Variants in PKD1L3 observed in about 807,000 individuals in gnomAD.
PKD1L3 encodes polycystin 1 like 3, transient receptor potential channel interacting, also known as polycystin-1-like protein 3.
Under a neutral mutation model 184.1 loss-of-function variants are expected in PKD1L3, and 239 were observed. The observed-to-expected ratio is 1.30, with a 90% CI of 1.17 to 1.45. The LOEUF (loss-of-function observed/expected upper bound fraction) is 1.45, where lower values mean the gene tolerates loss of function less well. Ranked by LOEUF, PKD1L3 falls within the 40% of genes most tolerant of loss-of-function variation. The pLI is 0.00. For synonymous variants in PKD1L3, 996 were observed against 778.8 expected, an observed-to-expected ratio of 1.28 and a Z score of -4.64; for missense variants, 2,660 against 2,067.2, an observed-to-expected ratio of 1.29 and a Z score of -5.56.
At chr16:71,979,952 T>C (rs1232435609) in intron 8 of PKD1L3, 40 bp from the exon 9 acceptor site, 1 of 1,549,488 alleles carries the variant, frequency 6.5e-7, no homozygotes, top group Non-Finnish European at 8.7e-7. Context: ...TTTTTGTGTG[T>C]CCTCTGAAAG....
chr16:71,968,825 A>C (rs1412953349), intron 13 of PKD1L3, among the ~76,000 whole-genome samples: 1 of 152,042 alleles, frequency 6.6e-6, no homozygotes, highest in Non-Finnish European at 1.5e-5. Context: ...TGAACTCTTG[A>C]CCTCAAGCGA....
chr16:71,973,445 A>C lies in PKD1L3; in HGVS notation c.1832T>G (p.Val611Gly). The change falls in exon 12 of 30, where the codon GTG becomes GGG. Residue 611 changes from valine to glycine, a missense_variant. Coordinates refer to ENST00000620267, the MANE Select transcript of PKD1L3 (RefSeq NM_181536.2). Reference sequence around the variant, plus strand: ...AGCACCCTCCTGCCTCTCACTCAGCACAGCTGTTATATAGTAGGTGCCAAT... The same window carrying C: ...AGCACCCTCCTGCCTCTCACTCAGCCCAGCTGTTATATAGTAGGTGCCAAT... ...HGIGTYYITA[V>G]LSERQEGAQQ... 1 of 1,551,822 alleles carries C rather than the reference A, an allele frequency of 6.4e-7. No homozygotes were observed. The highest frequency in any genetic ancestry group is 8.7e-7 in the Non-Finnish European group (1 of 1,147,026).
At chr16:71,988,712 C>T (rs1246537816) in intron 4 of PKD1L3, among the ~76,000 whole-genome samples, 1 of 152,170 alleles carries the variant, frequency 6.6e-6, no homozygotes, top group Non-Finnish European at 1.5e-5. Flanking sequence ...ATTAAACTAA[C>T]ATAAGATAAA....
chr16:71,967,542 G>A (rs1445679180), intron 14 of PKD1L3, among the ~76,000 whole-genome samples: 2 of 152,102 alleles, frequency 1.3e-5, no homozygotes, highest in African/African-American at 4.8e-5. Context: ...TTGGCTTAGT[G>A]CAACCTCTGC....
Position 71,949,936 on chromosome 16 carries a change from T to C in PKD1L3, c.3465A>G (p.Ser1155=). 1 of 1,551,680 alleles carries C rather than the reference T, an allele frequency of 6.4e-7. No individual in the cohort carries two copies. The change falls in exon 21 of 30, where the codon TCA becomes TCG. Residue 1155 remains serine (S), a synonymous_variant. Transcript: ENST00000620267. ...TGAAACCTAAGAGGAGCCAGCAGAC[T>C]GAAGTCAACCATTTGGACAGGCCAT... ...ISNGLSKWLT[S]VCWLLLGFTS...
chr16:71,958,908 G>A (rs949739956), intron 16 of PKD1L3, among the ~76,000 whole-genome samples: 1 of 150,090 alleles, frequency 6.7e-6, no homozygotes, highest in African/African-American at 2.4e-5. Flanking sequence ...GCAACAGAGT[G>A]AAACGCCGTC....
chr16:71,958,832 A>G (rs926180324), intron 16 of PKD1L3, among the ~76,000 whole-genome samples: 6 of 146,714 alleles, frequency 4.1e-5, no homozygotes, highest in Non-Finnish European at 8.9e-5. Flanking sequence ...CACACCTGTA[A>G]TCTTAGCACT....
chr16:71,984,989 T>C (rs1277263698), intron 5 of PKD1L3, among the ~76,000 whole-genome samples: 2 of 152,170 alleles, frequency 1.3e-5, no homozygotes, highest in Non-Finnish European at 2.9e-5. Flanking sequence ...AAGTGGCTAC[T>C]GCACTTGAAC....
At chr16:71,936,896 G>T (rs973517230) in intron 25 of PKD1L3, among the ~76,000 whole-genome samples, 1 of 152,104 alleles carries the variant, frequency 6.6e-6, no homozygotes. Flanking sequence ...CTGAAAAATT[G>T]AAAGAGCCAA....
chr16:71,965,392 T>C (rs1338798618), intron 15 of PKD1L3, among the ~76,000 whole-genome samples: 1 of 152,126 alleles, frequency 6.6e-6, no homozygotes, highest in Non-Finnish European at 1.5e-5. Context: ...CTTGGGTAAA[T>C]ACCTATGAGT....
At chr16:71,967,077 C>A in intron 15 of PKD1L3, 60 bp downstream of exon 15, 1 of 1,470,134 alleles carries the variant, frequency 6.8e-7, no homozygotes, top group Non-Finnish European at 9.2e-7. Context: ...TGGTGATCTT[C>A]TTTCTTCTCT....
chr16:71,983,914 C>G (rs181750052), intron 6 of PKD1L3, 122 bp downstream of exon 6: 2 of 1,321,650 alleles, frequency 1.5e-6, no homozygotes, highest in African/African-American at 3.0e-5. Context: ...CCGCCCGCCT[C>G]GGCCTTCTAA....
At chr16:71,930,420 G>C in intron 28 of PKD1L3, 1 of 345,866 alleles carries the variant, frequency 2.9e-6, no homozygotes, top group Non-Finnish European at 5.2e-6. Context: ...CAAGAAAACA[G>C]GTGAGTTGCA....
Position 71,993,198 on chromosome 16 carries a change from AGAG to A in PKD1L3, c.535+15_535+17del. ...GATTCCACGGATTTTTAAGGTTACT[AGAG>A]GAGTAACGCATTACCTGGGGGCATT... On this transcript the variant is annotated intron_variant, in intron 3 of 29. Transcript: ENST00000620267. The A allele has an allele frequency of 6.8e-7, 1 of 1,473,618 alleles. No homozygotes were observed. The highest frequency in any genetic ancestry group is 1.7e-4 in the Middle Eastern group (1 of 5,784). 91.3% of individuals were successfully genotyped at this position (1,473,618 alleles called of 1,614,324 possible).
intron 16 of PKD1L3, among the ~76,000 whole-genome samples, chr16:71,959,614 G>A (rs2039193527): frequency 1.3e-5 from 2 of 152,040 alleles, no homozygotes; most frequent in South Asian, 2.1e-4. Flanking sequence ...ACTCAAGAAC[G>A]GTTAAAGCAT....
Position 71,969,998 on chromosome 16 carries a change from C to T in PKD1L3, c.2061G>A (p.Thr687=), listed in dbSNP as rs1448308233. 23 of 1,551,528 alleles carry T rather than the reference C, an allele frequency of 1.5e-5. No homozygotes were observed. Among genetic ancestry groups the T allele is most frequent in the Admixed American group, 1.2e-4 (6 of 50,984 alleles). Reference sequence around the variant, plus strand: ...TGGTCACGCGAAGGAACAGTTTGATCGTGTCTTCAACATTCACGGTCCTGG... The same window carrying T: ...TGGTCACGCGAAGGAACAGTTTGATTGTGTCTTCAACATTCACGGTCCTGG... The part of the protein sequence containing the change: ...VVPRTVNVED[T]IKLFLRVTNN... The change falls in exon 13 of 30, where the codon ACG becomes ACA. Residue 687 remains threonine, a synonymous_variant. Coordinates refer to ENST00000620267, the MANE Select transcript of PKD1L3 (RefSeq NM_181536.2).
chr16:71,954,406 C>T, intron 16 of PKD1L3, 105 bp from the exon 17 acceptor site: 1 of 811,754 alleles, frequency 1.2e-6, no homozygotes. Flanking sequence ...AACTCCCAAG[C>T]CTCTATTCAA....
rs374545204 is a variant in PKD1L3, at chr16:71,942,758, C to T, written c.4126G>A (p.Glu1376Lys). 4.8e-5 allele frequency: 74 copies of T among 1,551,694 alleles called. No individual in the cohort carries two copies. In the African/African-American group the frequency reaches 8.9e-4, roughly 19 times the overall value. Residue 1376 changes from glutamate to lysine, a missense_variant, in exon 24 of 30, where the codon GAG (glutamate) becomes AAG (lysine). Coordinates refer to ENST00000620267, the MANE Select transcript of PKD1L3 (RefSeq NM_181536.2). ...IFQIPRTKTYEKVDEGQLAFC... is the reference protein window; with the variant it reads ...IFQIPRTKTYKKVDEGQLAFC... ...GCCAGCTGACCTTCGTCCACTTTCT[C>T]ATAGGTCTTGGTACGGGGTATTTGG...
In PKD1L3 at chr16:71,950,214, T is replaced by C; in HGVS notation, c.3287A>G (p.His1096Arg). ...HLGTLGLTQG[H>R]QSCDFLDAAS... Reference sequence around the variant, plus strand: ...TGCATCTAGGAAGTCACAGGACTGGTGACCCTGGGTGAGACCCAGCGTGCC... The same window carrying C: ...TGCATCTAGGAAGTCACAGGACTGGCGACCCTGGGTGAGACCCAGCGTGCC... Residue 1096 changes from histidine to arginine, a missense_variant, in exon 20 of 30, where the codon CAC (histidine) becomes CGC (arginine). By Grantham distance (29) the His-to-Arg change is conservative (BLOSUM62 0). Transcript: ENST00000620267. The C allele has an allele frequency of 6.4e-7, 1 of 1,552,222 alleles. No homozygotes were observed. The highest frequency in any genetic ancestry group is 8.7e-7 in the Non-Finnish European group (1 of 1,147,102).
Sources: gnomAD v4.1 joint callset for allele counts (sites outside exome capture counted in the v4.1 genomes callset) on GRCh38, gnomAD v4.1.1 for gene constraint, MANE v1.5 for transcripts, NCBI Gene and HGNC (gene_info 2026-07-23, HGNC 2026-07-21) for gene names.